The following ZC3H4 variants were observed in gnomAD, a reference collection of about 807,000 sequenced individuals.
ZC3H4 encodes zinc finger CCCH-type containing 4.
Under a neutral mutation model 108.3 loss-of-function variants are expected in ZC3H4, and 13 were observed. The observed-to-expected ratio is 0.12, with a 90% confidence interval of 0.08 to 0.19. The LOEUF (loss-of-function observed/expected upper bound fraction) is 0.19. Among genes scored for constraint, ZC3H4 ranks in the 10% least tolerant of loss-of-function variants. The pLI is 1.00. For synonymous variants in ZC3H4, 917 were observed against 749.6 expected (o/e 1.22, Z -3.65); for missense variants, 1,734 against 1,838.8 (o/e 0.94, Z 1.04).
At chr19:47,086,716 G>C (rs538785007) in intron 5 of ZC3H4, among the ~76,000 whole-genome samples, 178 bp from the exon 6 acceptor site, 6 of 152,156 alleles carry the variant, frequency 3.9e-5, no homozygotes, top group African/African-American at 1.4e-4. Context: ...GGACCCTCTG[G>C]TTCTCTCAAT....
chr19:47,066,941 C>T lies in ZC3H4; in HGVS notation c.3327G>A (p.Pro1109=), dbSNP rs773607614. 1.7e-5 allele frequency: 27 copies of T among 1,593,748 alleles called. No individual in the cohort carries two copies. The highest frequency in any genetic ancestry group is 7.8e-5 in the South Asian group (7 of 89,810). Residue 1109 remains proline (P), a synonymous_variant, in exon 15 of 15, where the codon CCG becomes CCA. Coordinates refer to ENST00000253048, the MANE Select transcript of ZC3H4 (RefSeq NM_015168.2). ...TGGCTGGTGGGGAGGCATCCCCACT[C>T]GGGCTGGCGGTGGGAGAGGGCGCCT... ...PAEAPSPTAS[P]SGDASPPATA...
At position 47,072,522 on chromosome 19, in the gene ZC3H4, C is replaced by A. The variant is rs900831960; in HGVS notation, c.1632G>T (p.Pro544=). ...GRPMQGGPPP[P]PPPPPPPPGP... The stretch of plus-strand genomic sequence containing the variant: ...CGGGCGGTGGGGGAGGGGGAGGGGG[C>A]GGGGGCGGGGGGCCACCCTGCATGG... Residue 544 remains proline, a synonymous_variant, in exon 12 of 15, where the codon CCG becomes CCT. Coordinates refer to ENST00000253048, the MANE Select transcript of ZC3H4 (RefSeq NM_015168.2). The surrounding 1 kb of genome is among the most constrained non-coding windows in gnomAD (Gnocchi z 5.6). 5.1e-4 allele frequency: 98 copies of A among 193,222 alleles called. No individual in the cohort carries two copies. In the Admixed American group the frequency reaches 0.016, roughly 32 times the overall value. 12.0% of individuals were successfully genotyped at this position (193,222 alleles called of 1,614,324 possible). A position where few individuals can be genotyped will look rare whatever the true frequency, so the allele number is the denominator to read the frequency against.
chr19:47,094,136 A>G (rs2122995311), intron 3 of ZC3H4, 56 bp from the exon 4 acceptor site: 1 of 1,545,212 alleles, frequency 6.5e-7, no homozygotes, highest in African/African-American at 1.4e-5. Context: ...CCACTCGGGC[A>G]CAGTCAGCCT....
rs1433024261 is a variant in ZC3H4 at position 47,093,970 on chromosome 19, C to T, written c.492G>A (p.Pro164=). 6.2e-7 allele frequency: 1 copy of T among 1,611,954 alleles called. No individual in the cohort carries two copies. The highest frequency in any genetic ancestry group is 8.5e-7 in the Non-Finnish European group (1 of 1,178,168). The change falls in exon 4 of 15, where the codon CCG becomes CCA. Residue 164 remains proline, a splice_region_variant and synonymous_variant. Transcript: ENST00000253048. ...TCAGCAGTGCATGCCAGTCACTCAC[C>T]GGCGCATATGGGGGGCTGTACTCTC... ...KYREYSPPYA[P]SHQQYPPSHA... is the part of the protein sequence containing the mutation.
chr19:47,112,830 G>A (rs971710471), intron 1 of ZC3H4, among the ~76,000 whole-genome samples: 6 of 151,564 alleles, frequency 4.0e-5, no homozygotes, highest in African/African-American at 1.5e-4. Flanking sequence ...GGCCCTCATA[G>A]GGGCGAGAGC....
rs557740953 is a variant in ZC3H4 at position 47,087,461 on chromosome 19, G to A, written c.716-923C>T. On this transcript the variant is annotated intron_variant, in intron 5 of 14. Transcript: ENST00000253048. Reference sequence around the variant, plus strand: ...TTAAAAAAAAAAAGAGTGGCCAGGTGCAGTGGCTCAATCCTATAATCTCAG... The same window carrying A: ...TTAAAAAAAAAAAGAGTGGCCAGGTACAGTGGCTCAATCCTATAATCTCAG... Among the ~76,000 whole-genome samples the A allele has an allele frequency of 2.6e-5, 4 of 151,650 alleles. No individual in the cohort carries two copies. The South Asian group carries it at 8.3e-4, about 32-fold the overall frequency.
In ZC3H4 at chr19:47,084,196, C is replaced by T. The variant is rs2057573708; in HGVS notation, c.1218+149G>A. The T allele has an allele frequency of 3.7e-5, 26 of 702,822 alleles. 1 individual carries two copies. The South Asian group carries it at 4.1e-4, about 11-fold the overall frequency. The allele number at this position is 702,822 out of a possible 1,614,324, so 43.5% of individuals were successfully genotyped here. ...ACCTGAGTCTTTCAGGCCGCCCAGG[C>T]AACTCCCAGTATCGGCAAGTGTCCA... On this transcript the variant is annotated intron_variant, in intron 9 of 14. Coordinates refer to ENST00000253048, the MANE Select transcript of ZC3H4 (RefSeq NM_015168.2).
At chr19:47,099,469 A>C (rs978919119) in intron 2 of ZC3H4, among the ~76,000 whole-genome samples, 2 of 151,116 alleles carry the variant, frequency 1.3e-5, no homozygotes, top group African/African-American at 2.5e-5. Context: ...CAAAAAAAAA[A>C]AAAGAAAAAA....
rs1568550134 is a variant in ZC3H4, at chr19:47,086,444, T to TCTGCCC, written c.804_809dup (p.Arg270_Gly271dup). 6.2e-7 allele frequency: 1 copy of TCTGCCC among 1,612,974 alleles called. No individual in the cohort carries two copies. The highest frequency in any genetic ancestry group is 1.7e-5 in the Admixed American group (1 of 59,940). The stretch of plus-strand genomic sequence containing the variant: ...CCGGGTGGTCTCCTCCCATAGAGCC[T>TCTGCCC]CTGCCCCTGCCTCGGCTGCCCCTGC... On this transcript the variant is annotated inframe_insertion, in exon 6 of 15. Coordinates refer to ENST00000253048, the MANE Select transcript of ZC3H4 (RefSeq NM_015168.2).
chr19:47,085,444 G>A, intron 6 of ZC3H4, 30 bp from the exon 7 acceptor site: 2 of 1,530,702 alleles, frequency 1.3e-6, no homozygotes, highest in Non-Finnish European at 1.8e-6. Flanking sequence ...GGGCAGGAGA[G>A]CGTCAGGTAG....
chr19:47,082,108 G>A (rs1271770835), intron 10 of ZC3H4, 76 bp downstream of exon 10: 6 of 1,198,518 alleles, frequency 5.0e-6, no homozygotes, highest in South Asian at 3.6e-5. Context: ...AAGGAAGATT[G>A]GCTGTTACTA....
chr19:47,090,151 C>G lies in ZC3H4; in HGVS notation c.531G>C (p.Leu177=). 6.2e-7 allele frequency: 1 copy of G among 1,614,200 alleles called. No individual in the cohort carries two copies. Among genetic ancestry groups the G allele is most frequent in the Non-Finnish European group, 8.5e-7 (1 of 1,180,034 alleles). The change falls in exon 5 of 15, where the codon CTG becomes CTC. Residue 177 remains leucine (L), a synonymous_variant. Transcript: ENST00000253048. ...CCATCTTGGAGTATGCCTTCTTGGG[C>G]AGGGGCGTGGCATGCGATGGGGGGT... is the stretch of plus-strand genomic sequence containing the variant. ...QQYPPSHATP[L]PKKAYSKMDS... is the part of the protein sequence containing the mutation.
intron 4 of ZC3H4, 90 bp from the exon 5 acceptor site, chr19:47,090,279 ATGTC>A (rs2057709062): frequency 7.1e-7 from 1 of 1,413,762 alleles, no homozygotes; most frequent in Non-Finnish European, 9.8e-7. Flanking sequence ...CTAAACGAAC[ATGTC>A]TGTCTGGGTG....
At chr19:47,107,215 C>T (rs2057978747) in intron 2 of ZC3H4, among the ~76,000 whole-genome samples, 3 of 152,202 alleles carry the variant, frequency 2.0e-5, no homozygotes, top group Admixed American at 2.0e-4. Flanking sequence ...GATAAATGCA[C>T]TTCCTTCAAA....
At chr19:47,085,475 C>T in intron 6 of ZC3H4, 61 bp from the exon 7 acceptor site, 1 of 1,376,092 alleles carries the variant, frequency 7.3e-7, no homozygotes, top group East Asian at 2.3e-5. Flanking sequence ...ACACTGTCCC[C>T]ACCTACACAC....
At chr19:47,104,710 G>A (rs2057947115) in intron 2 of ZC3H4, among the ~76,000 whole-genome samples, 2 of 152,222 alleles carry the variant, frequency 1.3e-5, no homozygotes, top group Non-Finnish European at 2.9e-5. Context: ...CAGCCCACCC[G>A]TGTGGCCCAC....
chr19:47,112,580 T>C lies in ZC3H4; in HGVS notation c.5A>G (p.Glu2Gly). Reference protein sequence around the residue: MEAAPGTPPPPP... With the variant: MGAAPGTPPPPP... ...CGGCGGGGGGGTCCCGGGCGCGGCC[T>C]CCATAGTTCCTTTGGGGGGGAGGGG... The change falls in exon 2 of 15, where the codon GAG (glutamate) becomes GGG (glycine). Residue 2 changes from glutamate to glycine, a missense_variant. Physicochemically the swap from Glu to Gly is moderately conservative, Grantham distance 98 (BLOSUM62 -2). This residue lies in a region of ZC3H4 where 112 missense variants were observed against 73.3 expected (regional missense o/e 1.53). Coordinates refer to ENST00000253048, the MANE Select transcript of ZC3H4 (RefSeq NM_015168.2). The C allele has an allele frequency of 1.7e-6, 2 of 1,171,434 alleles. No homozygotes were observed. Among genetic ancestry groups the C allele is most frequent in the Non-Finnish European group, 2.1e-6 (2 of 931,972 alleles). The allele number at this position is 1,171,434 out of a possible 1,614,324, so 72.6% of individuals were successfully genotyped here.
chr19:47,096,036 C>T (rs904060510), intron 2 of ZC3H4, among the ~76,000 whole-genome samples: 1 of 152,202 alleles, frequency 6.6e-6, no homozygotes, highest in Non-Finnish European at 1.5e-5. Flanking sequence ...CCTCCCAGGA[C>T]CCTCCACTGT....
In ZC3H4 at chr19:47,069,074, C is replaced by T. The variant is rs936885485; in HGVS notation, c.2398+18G>A. 3 of 1,601,816 alleles carry T rather than the reference C, an allele frequency of 1.9e-6. No homozygotes were observed. Among genetic ancestry groups the T allele is most frequent in the African/African-American group, 1.3e-5 (1 of 74,918 alleles). On this transcript the variant is annotated intron_variant, in intron 14 of 14. Transcript: ENST00000253048. ...GCGGCCTGGGGCCTGTGCCCCGGCCCCTGGGGCGGACACGTGCCTTCCTCA... is the reference window on the plus strand; with the variant it reads ...GCGGCCTGGGGCCTGTGCCCCGGCCTCTGGGGCGGACACGTGCCTTCCTCA...
Sources: allele counts gnomAD v4.1 joint callset (sites outside exome capture counted in the v4.1 genomes callset), GRCh38; gene constraint gnomAD v4.1.1; regional missense constraint gnomAD v4.1.1; non-coding constraint Gnocchi (gnomAD v3.1); transcripts MANE v1.5; gene names NCBI Gene and HGNC (gene_info 2026-07-23, HGNC 2026-07-21).